TAL1: variants seen among roughly 807,000 people sequenced by gnomAD.
The protein encoded by TAL1 is T-cell acute lymphocytic leukemia protein 1.
TAL1 carries 8 observed loss-of-function variants against 17.9 expected under a neutral mutation model. The observed-to-expected ratio is 0.45, with a 90% CI of 0.26 to 0.81. The LOEUF is 0.81. TAL1 is among the 30% of genes least tolerant of loss of function. TAL1 has a pLI of 0.17. For synonymous variants in TAL1, 223 were observed against 218.6 expected (o/e 1.02, Z -0.18); for missense variants, 466 against 486.9 (o/e 0.96, Z 0.40).
At chr1:47,217,258 C>T (rs1416807891) in exon 4 of TAL1, 1 of 361,146 alleles carries the variant, frequency 2.8e-6, no homozygotes. Flanking sequence ...TGTGGTGGCT[C>T]ACACCTGTGG....
chr1:47,225,285 G>A (rs999648142), intron 2 of TAL1, among the ~76,000 whole-genome samples, 158 bp downstream of exon 3: 1 of 152,186 alleles, frequency 6.6e-6, no homozygotes, highest in African/African-American at 2.4e-5. Flanking sequence ...CCAGCTTGAG[G>A]CTCTAGAGCC....
At chr1:47,226,304 T>G in intron 1 of TAL1, 16 of 165,632 alleles carry the variant, frequency 9.7e-5, no homozygotes, top group East Asian at 1.7e-4. Context: ...AGGGAACAAA[T>G]TCCGGATCGT....
chr1:47,225,291 G>C, intron 2 of TAL1, 152 bp downstream of exon 3: 2 of 657,656 alleles, frequency 3.0e-6, no homozygotes, highest in Admixed American at 4.4e-5. Context: ...TGAGGCTCTA[G>C]AGCCACTGGG....
chr1:47,219,985 T>C, exon 4 of TAL1: 2 of 1,586,370 alleles, frequency 1.3e-6, no homozygotes, highest in Admixed American at 1.7e-5. Context: ...CTCCTGGTCA[T>C]TGAGCAGCTT....
At chr1:47,224,167 A>G in intron 2 of TAL1, 69 bp from the exon 4 acceptor site, 2 of 1,523,594 alleles carry the variant, frequency 1.3e-6, no homozygotes, top group East Asian at 2.3e-5. Context: ...TTCCTTAGGG[A>G]TCCTCCCCAC....
rs990166958 is a variant in TAL1, at chr1:47,223,920, C to T, written c.541+84G>A. 1.2e-5 allele frequency: 16 copies of T among 1,318,318 alleles called. No individual in the cohort carries two copies. In the East Asian group the frequency reaches 2.1e-4, roughly 17 times the overall value. 81.7% of individuals were successfully genotyped at this position (1,318,318 alleles called of 1,614,324 possible). ...CCCGCCCATCTTTGTGAGATACCTA[C>T]GGAGTAGTCCCAGATGTTCCCTCCT... is the stretch of plus-strand genomic sequence containing the variant. On this transcript the variant is annotated intron_variant, in intron 3 of 3. Coordinates refer to ENST00000294339, the Ensembl canonical transcript of TAL1.
At chr1:47,220,705 G>C (rs1314984096) in intron 3 of TAL1, among the ~76,000 whole-genome samples, 1 of 152,188 alleles carries the variant, frequency 6.6e-6, no homozygotes, top group Non-Finnish European at 1.5e-5. Flanking sequence ...AAGAACTTAA[G>C]ACAATGCCTG....
intron 1 of TAL1, chr1:47,228,544 G>C (rs1437467792): frequency 2.8e-5 from 5 of 179,460 alleles, no homozygotes; most frequent in Non-Finnish European, 6.0e-5. Context: ...CAAGACAGAA[G>C]ACCCCAGGAG....
intron 1 of TAL1, among the ~76,000 whole-genome samples, chr1:47,226,509 C>T (rs1044183688): frequency 3.9e-5 from 6 of 152,196 alleles, no homozygotes; most frequent in African/African-American, 7.2e-5. Context: ...AGAATAATCC[C>T]GAGGAACCAG....
chr1:47,224,671 G>C (rs1025155456), intron 2 of TAL1, among the ~76,000 whole-genome samples: 2 of 152,040 alleles, frequency 1.3e-5, no homozygotes, highest in Admixed American at 1.3e-4. Context: ...GCTCCGCCTA[G>C]CTCTCTGCCC....
rs145888818 is a variant in TAL1, at chr1:47,218,197, G to T, written c.*1523C>A. ...ACCTCGAAGGCAGAGCCTAGAGGGA[G>T]AGGGCTAGGGTGACTTAAGGGTACA... is the stretch of plus-strand genomic sequence containing the variant. On this transcript the variant is annotated 3_prime_UTR_variant, in exon 4 of 4. Coordinates refer to ENST00000294339, the Ensembl canonical transcript of TAL1. 873 of 235,814 alleles carry T rather than the reference G, an allele frequency of 3.7e-3. 6 individuals are homozygous for T. Among genetic ancestry groups the T allele is most frequent in the African/African-American group, 0.018 (822 of 45,546 alleles). The allele number at this position is 235,814 out of a possible 1,614,324, so 14.6% of individuals were successfully genotyped here. A position where few individuals can be genotyped will look rare whatever the true frequency, so the allele number is the denominator to read the frequency against.
exon 4 of TAL1, chr1:47,218,707 A>G (rs539270590): frequency 4.3e-6 from 1 of 233,038 alleles, no homozygotes; most frequent in East Asian, 6.0e-5. Context: ...CAAAGCATTC[A>G]TAGGACAGGT....
exon 4 of TAL1, chr1:47,216,360 C>A: frequency 8.9e-6 from 2 of 224,962 alleles, no homozygotes; most frequent in Non-Finnish European, 1.8e-5. Context: ...ATCATCACCA[C>A]ATGGGTTTTT....
chr1:47,226,463 T>G (rs1052785697), intron 1 of TAL1, among the ~76,000 whole-genome samples: 3 of 152,040 alleles, frequency 2.0e-5, no homozygotes, highest in Non-Finnish European at 2.9e-5. Flanking sequence ...AAGTGGAGGC[T>G]ACGGGGACTG....
intron 2 of TAL1, among the ~76,000 whole-genome samples, chr1:47,224,403 AACACACACACAC>A (rs3835389): frequency 2.8e-4 from 41 of 148,716 alleles, no homozygotes; most frequent in African/African-American, 9.9e-4. Flanking sequence ...CACAAAAATG[AACACACACACAC>A]ACACACACAC....
exon 4 of TAL1, chr1:47,219,155 C>T: frequency 2.4e-6 from 1 of 424,882 alleles, no homozygotes; most frequent in East Asian, 4.1e-5. Context: ...TCTTCTTCAA[C>T]CAGGCCCTGA....
Position 47,229,233 on chromosome 1 carries a change from G to C in TAL1, c.-39C>G, listed in dbSNP as rs1287971707. 4.9e-6 allele frequency: 1 copy of C among 202,276 alleles called. No individual in the cohort carries two copies. Among genetic ancestry groups the C allele is most frequent in the East Asian group, 7.5e-5 (1 of 13,334 alleles). The allele number at this position is 202,276 out of a possible 1,614,324, so 12.5% of individuals were successfully genotyped here. A position where few individuals can be genotyped will look rare whatever the true frequency, so the allele number is the denominator to read the frequency against. ...TAGAGAGACCGGCCCCTCTGAATAG[G>C]ATCTCCACTCCGCCGGAAAGGGGCG... On this transcript the variant is annotated 5_prime_UTR_variant, in exon 1 of 4. It adds an upstream start codon to the 5' untranslated region. Transcript: ENST00000294339.
At chr1:47,219,867 G>A (rs747702992) in exon 4 of TAL1, 81 of 1,591,682 alleles carry the variant, frequency 5.1e-5, no homozygotes, top group Non-Finnish European at 6.6e-5. Context: ...GGGAAAGCAC[G>A]TCTTGCAGGA....
At chr1:47,225,504 G>A in exon 2 of TAL1, 1 of 1,235,480 alleles carries the variant, frequency 8.1e-7, no homozygotes, top group Non-Finnish European at 1.0e-6. Context: ...GGGGCGGCGG[G>A]GGCAGCCAGC....
Sources: gnomAD v4.1 joint callset for allele counts (sites outside exome capture counted in the v4.1 genomes callset) on GRCh38, gnomAD v4.1.1 for gene constraint, MANE v1.5 for transcripts, NCBI Gene and HGNC (gene_info 2026-07-23, HGNC 2026-07-21) for gene names.